TAF3: variants seen among roughly 807,000 people sequenced by gnomAD.
TAF3 encodes the protein TATA-box binding protein associated factor 3.
A neutral mutation model predicts 80.6 loss-of-function variants in TAF3; 7 were observed. That is an observed-to-expected ratio of 0.09 (90% CI 0.05 to 0.16). The LOEUF (loss-of-function observed/expected upper bound fraction) is 0.16, where lower values mean the gene tolerates loss of function less well. TAF3 is among the 10% of genes least tolerant of loss of function. TAF3 has a pLI of 1.00. For synonymous variants in TAF3, 444 were observed against 446.1 expected (o/e 1.00, Z 0.06); for missense variants, 921 against 1,140.2 (o/e 0.81, Z 2.77).
chr10:7,922,920 A>C (rs1025671926), intron 2 of TAF3, among the ~76,000 whole-genome samples: 1 of 152,100 alleles, frequency 6.6e-6, no homozygotes, highest in African/African-American at 2.4e-5. Flanking sequence ...TAGGCTTATT[A>C]GAAAACTTGT....
chr10:7,886,778 A>G (rs1837412475), intron 2 of TAF3, among the ~76,000 whole-genome samples: 1 of 152,330 alleles, frequency 6.6e-6, no homozygotes, highest in African/African-American at 2.4e-5. Flanking sequence ...GCACTTTCGT[A>G]TTTCTGTACT....
At chr10:7,838,270 C>A (rs1836872097) in intron 2 of TAF3, among the ~76,000 whole-genome samples, 1 of 152,166 alleles carries the variant, frequency 6.6e-6, no homozygotes, top group Non-Finnish European at 1.5e-5. Flanking sequence ...ATTCCTCTCT[C>A]CCCATTTTGG....
At chr10:7,978,973 C>G (rs1255358573) in intron 4 of TAF3, among the ~76,000 whole-genome samples, 1 of 151,236 alleles carries the variant, frequency 6.6e-6, no homozygotes, top group African/African-American at 2.4e-5. Flanking sequence ...GCCAGGAGTT[C>G]AAGGCTGCAG....
intron 4 of TAF3, among the ~76,000 whole-genome samples, chr10:7,998,590 G>A (rs1190377299): frequency 6.6e-6 from 1 of 152,066 alleles, no homozygotes; most frequent in Non-Finnish European, 1.5e-5. Context: ...GTTCACACCT[G>A]TAATCCCAGC....
intron 2 of TAF3, among the ~76,000 whole-genome samples, chr10:7,825,313 ATTAC>A (rs892684238): frequency 6.6e-6 from 1 of 152,224 alleles, no homozygotes; most frequent in Non-Finnish European, 1.5e-5. Context: ...GATGCCAGCA[ATTAC>A]TTTTACTTAT....
chr10:8,010,961 T>TTTA (rs1166476904), intron 5 of TAF3, among the ~76,000 whole-genome samples: 1 of 152,204 alleles, frequency 6.6e-6, no homozygotes, highest in Non-Finnish European at 1.5e-5. Context: ...CACATTGTTC[T>TTTA]GGGACTGTTT....
At chr10:7,849,449 G>A (rs1363601367) in intron 2 of TAF3, among the ~76,000 whole-genome samples, 1 of 151,500 alleles carries the variant, frequency 6.6e-6, no homozygotes, top group South Asian at 2.1e-4. Flanking sequence ...CTTCTGGGAC[G>A]ATTTAGGGTT....
chr10:8,004,160 C>T (rs1393974897), intron 4 of TAF3, among the ~76,000 whole-genome samples: 1 of 151,966 alleles, frequency 6.6e-6, no homozygotes, highest in African/African-American at 2.4e-5. Flanking sequence ...GAGTGATTCT[C>T]CTGCCTCCTC....
At chr10:7,967,011 C>T (rs1358882652) in intron 3 of TAF3, among the ~76,000 whole-genome samples, 1 of 152,134 alleles carries the variant, frequency 6.6e-6, no homozygotes. Flanking sequence ...GGTTTTAAAG[C>T]AGATCCATAC....
chr10:7,994,883 G>A (rs184427422), intron 4 of TAF3, among the ~76,000 whole-genome samples: 1 of 149,208 alleles, frequency 6.7e-6, no homozygotes, highest in African/African-American at 2.5e-5. Flanking sequence ...GCTGAGGCAT[G>A]AGAATCACTT....
intron 2 of TAF3, among the ~76,000 whole-genome samples, chr10:7,957,043 T>C (rs1445810959): frequency 1.3e-5 from 2 of 152,120 alleles, no homozygotes; most frequent in Admixed American, 1.3e-4. Flanking sequence ...AACACATAAT[T>C]TTCAATACAT....
At chr10:7,947,137 A>G (rs1588561888) in intron 2 of TAF3, among the ~76,000 whole-genome samples, 1 of 151,724 alleles carries the variant, frequency 6.6e-6, no homozygotes, top group East Asian at 1.9e-4. Context: ...TTTTCCTCCA[A>G]CTCATTGGCT....
At chr10:7,875,214 C>T (rs1311086686) in intron 2 of TAF3, among the ~76,000 whole-genome samples, 2 of 151,954 alleles carry the variant, frequency 1.3e-5, no homozygotes, top group Admixed American at 6.6e-5. Context: ...TTTTTTCTGT[C>T]TCCATACATT....
rs374376981 is a variant in TAF3 at position 7,998,439 on chromosome 10, A to G, written c.2316-10639A>G. Among the ~76,000 whole-genome samples the G allele has an allele frequency of 2.0e-5, 3 of 152,236 alleles. No homozygotes were observed. The East Asian group carries it at 5.8e-4, about 29-fold the overall frequency. On this transcript the variant is annotated intron_variant, in intron 4 of 6. Transcript: ENST00000344293. Reference sequence around the variant, plus strand: ...AGCAGACATTTCTGAGATTTTAACTATTAACCCATAAAATTGGTCAACAAT... The same window carrying G: ...AGCAGACATTTCTGAGATTTTAACTGTTAACCCATAAAATTGGTCAACAAT...
At chr10:7,918,228 G>A (rs1837730336) in intron 2 of TAF3, among the ~76,000 whole-genome samples, 1 of 152,166 alleles carries the variant, frequency 6.6e-6, no homozygotes, top group African/African-American at 2.4e-5. Context: ...GGGGCGTGAT[G>A]AAGGTTTGAA....
chr10:7,862,653 G>T (rs1394146399), intron 2 of TAF3, among the ~76,000 whole-genome samples: 1 of 152,146 alleles, frequency 6.6e-6, no homozygotes, highest in Non-Finnish European at 1.5e-5. Context: ...GTTACCTTAA[G>T]CCTTTTGCAA....
At chr10:7,989,074 A>G (rs747017482) in intron 4 of TAF3, among the ~76,000 whole-genome samples, 7 of 152,106 alleles carry the variant, frequency 4.6e-5, no homozygotes, top group African/African-American at 1.7e-4. Flanking sequence ...GGGCTGGTCT[A>G]TTGTGAATTC....
chr10:7,944,111 GT>G (rs1838001742), intron 2 of TAF3, among the ~76,000 whole-genome samples: 4 of 151,300 alleles, frequency 2.6e-5, no homozygotes, highest in Non-Finnish European at 4.4e-5. Flanking sequence ...GTGTGTGTGT[GT>G]GTGTGTGTGT....
intron 4 of TAF3, among the ~76,000 whole-genome samples, chr10:7,996,819 A>T (rs1831891852): frequency 6.7e-6 from 1 of 149,860 alleles, no homozygotes; most frequent in African/African-American, 2.5e-5. Context: ...AGCTGGGACT[A>T]CAGGCACGCA....
Sources: gnomAD v4.1 joint callset for allele counts (sites outside exome capture counted in the v4.1 genomes callset) on GRCh38, gnomAD v4.1.1 for gene constraint, MANE v1.5 for transcripts, NCBI Gene and HGNC (gene_info 2026-07-23, HGNC 2026-07-21) for gene names.